The following IMMP2L variants were observed in gnomAD, a reference collection of about 807,000 sequenced individuals.
The protein encoded by IMMP2L is mitochondrial inner membrane protease subunit 2.
In IMMP2L, 18 loss-of-function variants were observed where a neutral mutation model predicts 19.3. That is an observed-to-expected ratio of 0.93 (90% CI 0.64 to 1.38). IMMP2L has a LOEUF of 1.38. Among genes scored for constraint, IMMP2L ranks in the 40% most tolerant of loss-of-function variants. The pLI, the probability that IMMP2L is intolerant of heterozygous loss-of-function variation, is 0.00. For synonymous variants in IMMP2L, 76 were observed against 73.0 expected, an observed-to-expected ratio of 1.04 and a Z score of -0.21; for missense variants, 233 against 218.2, an observed-to-expected ratio of 1.07 and a Z score of -0.43.
At chr7:110,860,160 T>A (rs1488419386) in intron 5 of IMMP2L, among the ~76,000 whole-genome samples, 1 of 152,064 alleles carries the variant, frequency 6.6e-6, no homozygotes, top group Non-Finnish European at 1.5e-5. Context: ...TATATTCCAT[T>A]TTGTGGAATA....
intron 3 of IMMP2L, among the ~76,000 whole-genome samples, chr7:111,434,367 G>A (rs1222440395): frequency 6.6e-6 from 1 of 150,996 alleles, no homozygotes; most frequent in Non-Finnish European, 1.5e-5. Flanking sequence ...ATAGACAAAT[G>A]AGGATTAAAT....
At chr7:110,695,820 C>A (rs1311966227) in intron 5 of IMMP2L, among the ~76,000 whole-genome samples, 3 of 151,628 alleles carry the variant, frequency 2.0e-5, no homozygotes, top group African/African-American at 7.3e-5. Flanking sequence ...TGATAGTCTC[C>A]AATTAAGGAG....
At chr7:111,349,634 A>G (rs1203807405) in intron 3 of IMMP2L, among the ~76,000 whole-genome samples, 2 of 152,168 alleles carry the variant, frequency 1.3e-5, no homozygotes, top group Non-Finnish European at 2.9e-5. Flanking sequence ...GTAGAGGAAG[A>G]AGGGTAGTCA....
intron 3 of IMMP2L, among the ~76,000 whole-genome samples, chr7:111,371,225 T>C (rs1360012609): frequency 6.6e-6 from 1 of 151,952 alleles, no homozygotes; most frequent in African/African-American, 2.4e-5. Context: ...TCTACTAATT[T>C]CTCTGTACGA....
intron 5 of IMMP2L, among the ~76,000 whole-genome samples, chr7:110,714,926 G>A (rs1795141359): frequency 6.6e-6 from 1 of 151,994 alleles, no homozygotes; most frequent in Non-Finnish European, 1.5e-5. Flanking sequence ...CCAATTTTTT[G>A]TTACTGATTC....
intron 3 of IMMP2L, among the ~76,000 whole-genome samples, chr7:111,078,182 T>C (rs1345133060): frequency 6.6e-6 from 1 of 152,238 alleles, no homozygotes; most frequent in Non-Finnish European, 1.5e-5. Context: ...TTCACCTTTA[T>C]ATCCCAAGCA....
At chr7:110,840,397 T>C (rs1318489613) in intron 5 of IMMP2L, among the ~76,000 whole-genome samples, 1 of 152,170 alleles carries the variant, frequency 6.6e-6, no homozygotes, top group African/African-American at 2.4e-5. Flanking sequence ...ATTAAGGCTC[T>C]ATAACATATA....
chr7:111,558,825 T>C (rs2396395), intron 1 of IMMP2L, among the ~76,000 whole-genome samples: 118,940 of 152,140 alleles, frequency 0.78, 48,127 homozygotes, highest in East Asian at 0.97. Flanking sequence ...CTAAATGCTA[T>C]TTATTCCTAT....
At chr7:110,694,960 CA>C (rs1481878764) in intron 5 of IMMP2L, among the ~76,000 whole-genome samples, 1 of 151,348 alleles carries the variant, frequency 6.6e-6, no homozygotes, top group Non-Finnish European at 1.5e-5. Flanking sequence ...GAGCTGGACA[CA>C]AAAGGTCATA....
At chr7:111,360,577 G>C (rs1829165597) in intron 3 of IMMP2L, among the ~76,000 whole-genome samples, 1 of 152,098 alleles carries the variant, frequency 6.6e-6, no homozygotes. Flanking sequence ...CAGCACTTTT[G>C]GAAGCTGAGG....
intron 1 of IMMP2L, among the ~76,000 whole-genome samples, chr7:111,549,967 A>G (rs1849299282): frequency 6.6e-6 from 1 of 151,634 alleles, no homozygotes; most frequent in Non-Finnish European, 1.5e-5. Flanking sequence ...ACATAGTGAG[A>G]CTCATAAAAA....
intron 3 of IMMP2L, among the ~76,000 whole-genome samples, chr7:111,156,242 G>C (rs1008129122): frequency 1.3e-5 from 2 of 152,054 alleles, no homozygotes; most frequent in African/African-American, 4.8e-5. Context: ...GGTCATAGGA[G>C]ATGCTTAAGT....
chr7:111,041,359 C>T (rs1791879508), intron 3 of IMMP2L, among the ~76,000 whole-genome samples: 1 of 151,860 alleles, frequency 6.6e-6, no homozygotes, highest in East Asian at 1.9e-4. Flanking sequence ...TAAGCATGTA[C>T]TTCTGTCTTC....
At chr7:111,317,690 CA>C (rs1453600867) in intron 3 of IMMP2L, among the ~76,000 whole-genome samples, 1 of 152,118 alleles carries the variant, frequency 6.6e-6, no homozygotes, top group Admixed American at 6.6e-5. Flanking sequence ...CTGCTACAAA[CA>C]ATCTGTCAGT....
At chr7:111,278,936 T>G (rs973519370) in intron 3 of IMMP2L, among the ~76,000 whole-genome samples, 7 of 152,058 alleles carry the variant, frequency 4.6e-5, no homozygotes, top group Non-Finnish European at 7.4e-5. Flanking sequence ...AGTCATCAGT[T>G]CTATGAGAAT....
chr7:110,899,985 A>G (rs1199116542), intron 4 of IMMP2L, among the ~76,000 whole-genome samples: 1 of 152,208 alleles, frequency 6.6e-6, no homozygotes, highest in African/African-American at 2.4e-5. Context: ...TTTCTTTATG[A>G]AAGAGAAAAA....
intron 3 of IMMP2L, among the ~76,000 whole-genome samples, chr7:111,070,723 A>C: frequency 6.6e-6 from 1 of 152,314 alleles, no homozygotes; most frequent in Admixed American, 6.5e-5. Context: ...GACAATATGT[A>C]AGGCACCTTG....
chr7:110,964,797 T>A lies in IMMP2L; in HGVS notation c.240-1232A>T, dbSNP rs115851382. On this transcript the variant is annotated intron_variant, in intron 3 of 5. Coordinates refer to ENST00000405709, the MANE Select transcript of IMMP2L (RefSeq NM_032549.4). The stretch of plus-strand genomic sequence containing the variant: ...CTCCTTCCTTCCTCTTTCTATTTTT[T>A]CCTCCAACATCTCTTTCATGGATCA... 1.6e-4 allele frequency among the ~76,000 whole-genome samples: 25 copies of A among 152,088 alleles called. No homozygotes were observed. The South Asian group carries it at 2.3e-3, about 14-fold the overall frequency.
chr7:111,185,023 G>A (rs1232363370), intron 3 of IMMP2L, among the ~76,000 whole-genome samples: 1 of 152,078 alleles, frequency 6.6e-6, no homozygotes, highest in East Asian at 1.9e-4. Flanking sequence ...GTTTTGTTTT[G>A]TTATTAAAGT....
Sources: allele counts gnomAD v4.1 joint callset (sites outside exome capture counted in the v4.1 genomes callset), GRCh38; gene constraint gnomAD v4.1.1; transcripts MANE v1.5; gene names NCBI Gene and HGNC (gene_info 2026-07-23, HGNC 2026-07-21).